Variants in CFAP44 observed in about 807,000 individuals in gnomAD.
The protein encoded by CFAP44 is cilia- and flagella-associated protein 44.
Under a neutral mutation model 216.2 loss-of-function variants are expected in CFAP44, and 134 were observed. That is an observed-to-expected ratio of 0.62 (90% confidence interval 0.54 to 0.72). The LOEUF (loss-of-function observed/expected upper bound fraction) is 0.72, where lower values mean the gene tolerates loss of function less well. CFAP44 is among the 30% of genes least tolerant of loss of function. The pLI, the probability that CFAP44 is intolerant of heterozygous loss-of-function variation, is 0.00. For missense variants in CFAP44, 2,035 were observed against 2,182.1 expected (o/e 0.93, Z 1.34); for synonymous variants, 700 against 727.6 (o/e 0.96, Z 0.61).
chr3:113,301,922 A>G (rs1022348436), intron 32 of CFAP44, among the ~76,000 whole-genome samples: 1 of 152,100 alleles, frequency 6.6e-6, no homozygotes, highest in African/African-American at 2.4e-5. Flanking sequence ...CATCTCCCCA[A>G]ACTGTACCCC....
intron 15 of CFAP44, among the ~76,000 whole-genome samples, chr3:113,394,990 G>C (rs1049165346): frequency 6.6e-6 from 1 of 152,202 alleles, no homozygotes; most frequent in African/African-American, 2.4e-5. Flanking sequence ...GCCTAGAAAA[G>C]ATAGAAACAA....
chr3:113,432,202 T>C (rs1344649745), intron 2 of CFAP44: 1 of 152,172 alleles, frequency 6.6e-6, no homozygotes, highest in East Asian at 1.9e-4. Context: ...GTGGATAGGT[T>C]ATTATCAACT....
At chr3:113,352,862 T>G (rs1448512784) in intron 22 of CFAP44, among the ~76,000 whole-genome samples, 1 of 152,182 alleles carries the variant, frequency 6.6e-6, no homozygotes, top group Admixed American at 6.5e-5. Flanking sequence ...ATGAAAACAT[T>G]GGTAATACCC....
At chr3:113,404,166 G>T in intron 8 of CFAP44, 150 bp from the exon 9 acceptor site, 1 of 893,194 alleles carries the variant, frequency 1.1e-6, no homozygotes, top group Non-Finnish European at 1.6e-6. Flanking sequence ...CAGAAATGAA[G>T]ACCTACTACC....
In CFAP44 at chr3:113,436,822, A is replaced by C. The variant is rs77791538; in HGVS notation, c.-5-3153T>G. On this transcript the variant is annotated intron_variant, in intron 1 of 34. Transcript: ENST00000393845. ...TTCAATAGCACTTTCTTCTGTAAGT[A>C]GGTACTGTTTAGTTTTCCATTGCTG... Among the ~76,000 whole-genome samples the C allele has an allele frequency of 3.9e-3, 590 of 152,348 alleles. 1 individual carries two copies. Among genetic ancestry groups the C allele is most frequent in the South Asian group, 8.5e-3 (41 of 4,830 alleles).
At chr3:113,358,484 T>C (rs1950511245) in intron 22 of CFAP44, among the ~76,000 whole-genome samples, 1 of 152,124 alleles carries the variant, frequency 6.6e-6, no homozygotes, top group South Asian at 2.1e-4. Context: ...AAATAAATAA[T>C]TCATCAAAAC....
At position 113,330,312 on chromosome 3, in the gene CFAP44, A is replaced by G; in HGVS notation, c.3972T>C (p.Ser1324=). The G allele has an allele frequency of 6.5e-7, 1 of 1,537,312 alleles. No individual in the cohort carries two copies. The highest frequency in any genetic ancestry group is 8.7e-7 in the Non-Finnish European group (1 of 1,146,914). ...TGAATGTTGATGCCTTTGATGATCT[A>G]GATATTGAATCACGGGTTGTCAAAT... ...DGDLTTRDSI[S]RSSKASTFSL... Residue 1324 remains serine (S), a synonymous_variant, in exon 26 of 35, where the codon TCT becomes TCC. Coordinates refer to ENST00000393845, the MANE Select transcript of CFAP44 (RefSeq NM_001164496.2).
At chr3:113,420,785 T>A (rs1288402837) in intron 4 of CFAP44, among the ~76,000 whole-genome samples, 1 of 152,152 alleles carries the variant, frequency 6.6e-6, no homozygotes, top group African/African-American at 2.4e-5. Flanking sequence ...TATAATAAAT[T>A]CACATAAATA....
rs550376332 is a variant in CFAP44 at position 113,373,380 on chromosome 3, T to G, written c.2444+31A>C. ...AAGCATAGACACTAACAGGATATGG[T>G]TTTTTTAAAGCTTTTTGAAATACTG... is the stretch of plus-strand genomic sequence containing the variant. On this transcript the variant is annotated intron_variant, in intron 18 of 34. Coordinates refer to ENST00000393845, the MANE Select transcript of CFAP44 (RefSeq NM_001164496.2). 6.0e-6 allele frequency: 9 copies of G among 1,497,342 alleles called. 1 individual carries two copies. The Admixed American group carries it at 1.8e-4, about 30-fold the overall frequency. 92.8% of individuals were successfully genotyped at this position (1,497,342 alleles called of 1,614,324 possible). A position where few individuals can be genotyped will look rare whatever the true frequency, so the allele number is the denominator to read the frequency against.
intron 23 of CFAP44, 36 bp downstream of exon 23, chr3:113,344,480 A>G (rs1315241547): frequency 1.3e-6 from 2 of 1,506,712 alleles, no homozygotes; most frequent in South Asian, 1.2e-5. Context: ...AAGTCTTAGT[A>G]AATAAGAATT....
chr3:113,396,477 A>G (rs373091330), intron 14 of CFAP44, 41 bp downstream of exon 14: 6 of 1,591,372 alleles, frequency 3.8e-6, no homozygotes, highest in African/African-American at 1.3e-5. Context: ...CAATTTAACT[A>G]TAAAATTTCA....
intron 15 of CFAP44, among the ~76,000 whole-genome samples, chr3:113,382,136 C>G (rs1011932523): frequency 1.3e-5 from 2 of 151,982 alleles, no homozygotes; most frequent in Non-Finnish European, 2.9e-5. Context: ...GGCAAAAGAA[C>G]AGAATGAGAG....
At chr3:113,331,020 G>A (rs759666634) in intron 25 of CFAP44, among the ~76,000 whole-genome samples, 6 of 152,112 alleles carry the variant, frequency 3.9e-5, no homozygotes, top group Non-Finnish European at 5.9e-5. Flanking sequence ...CTCCAGGGAG[G>A]AAGGGAAAGG....
intron 6 of CFAP44, among the ~76,000 whole-genome samples, chr3:113,414,499 T>C (rs1235205644): frequency 1.3e-5 from 2 of 152,212 alleles, no homozygotes; most frequent in Non-Finnish European, 2.9e-5. Context: ...TGTGGGTTTG[T>C]CATAAATAGC....
At chr3:113,348,777 C>T (rs1228621441) in intron 22 of CFAP44, among the ~76,000 whole-genome samples, 2 of 152,176 alleles carry the variant, frequency 1.3e-5, no homozygotes, top group Non-Finnish European at 2.9e-5. Context: ...TGATTTAAAG[C>T]AGATCAAGGC....
intron 28 of CFAP44, among the ~76,000 whole-genome samples, chr3:113,324,173 A>G (rs765107594): frequency 3.9e-5 from 6 of 152,180 alleles, no homozygotes; most frequent in Non-Finnish European, 7.3e-5. Context: ...GGTGAATTCT[A>G]CTAAGTGTTT....
intron 28 of CFAP44, 30 bp downstream of exon 28, chr3:113,326,412 AAAT>A: frequency 1.4e-6 from 2 of 1,457,812 alleles, no homozygotes; most frequent in Non-Finnish European, 1.8e-6. Flanking sequence ...TAATGAGAGA[AAAT>A]AAGATCATAT....
intron 22 of CFAP44, among the ~76,000 whole-genome samples, chr3:113,350,295 GAAGA>G (rs1201923937): frequency 6.6e-6 from 1 of 150,802 alleles, no homozygotes; most frequent in African/African-American, 2.4e-5. Context: ...AGTCAGAGAG[GAAGA>G]AAGAAAGAGA....
chr3:113,339,444 C>T (rs534249911), intron 24 of CFAP44, among the ~76,000 whole-genome samples: 5 of 152,266 alleles, frequency 3.3e-5, no homozygotes, highest in Non-Finnish European at 5.9e-5. Flanking sequence ...GGTACCACTG[C>T]GGTATGTACC....
Sources: allele counts gnomAD v4.1 joint callset (sites outside exome capture counted in the v4.1 genomes callset), GRCh38; gene constraint gnomAD v4.1.1; transcripts MANE v1.5; gene names NCBI Gene and HGNC (gene_info 2026-07-23, HGNC 2026-07-21).